The following CATSPERD variants were observed in gnomAD, a reference collection of about 807,000 sequenced individuals.
The protein encoded by CATSPERD is catsper channel auxiliary subunit delta, also known as cation channel sperm-associated auxiliary subunit delta.
A neutral mutation model predicts 98.1 loss-of-function variants in CATSPERD; 86 were observed. That is an observed-to-expected ratio of 0.88 (90% CI 0.74 to 1.05). The LOEUF (loss-of-function observed/expected upper bound fraction) is 1.05. Among genes scored for constraint, CATSPERD ranks in the 50% least tolerant of loss-of-function variants. CATSPERD has a pLI of 0.00. For missense variants in CATSPERD, 995 were observed against 1,005.7 expected (o/e 0.99, Z 0.14); for synonymous variants, 394 against 390.2 (o/e 1.01, Z -0.12).
At chr19:5,722,008 G>C (rs2055494369) in intron 1 of CATSPERD, among the ~76,000 whole-genome samples, 1 of 151,806 alleles carries the variant, frequency 6.6e-6, no homozygotes, top group Non-Finnish European at 1.5e-5. Context: ...AAAGAGATGG[G>C]GTCTCACTGT....
At chr19:5,772,139 C>T (rs1443623284) in intron 19 of CATSPERD, 1 of 410,690 alleles carries the variant, frequency 2.4e-6, no homozygotes, top group Admixed American at 2.9e-5. Flanking sequence ...CCTTAACCTC[C>T]CAGGCTCAAG....
At chr19:5,735,658 A>G (rs553674627) in intron 5 of CATSPERD, among the ~76,000 whole-genome samples, 3 of 151,496 alleles carry the variant, frequency 2.0e-5, no homozygotes, top group Non-Finnish European at 4.4e-5. Context: ...TGTTTTTAGT[A>G]TAGATGGGGT....
At chr19:5,770,430 C>CAAAA (rs539340482) in intron 18 of CATSPERD, among the ~76,000 whole-genome samples, 1 of 81,990 alleles carries the variant, frequency 1.2e-5, no homozygotes, top group African/African-American at 4.5e-5. Context: ...AACTCCGTCT[C>CAAAA]AAAAAAAAAA....
In CATSPERD at chr19:5,759,154, C is replaced by T; in HGVS notation, c.1427+10C>T. 6.2e-7 allele frequency: 1 copy of T among 1,613,338 alleles called. No individual in the cohort carries two copies. Among genetic ancestry groups the T allele is most frequent in the Non-Finnish European group, 8.5e-7 (1 of 1,179,408 alleles). On this transcript the variant is annotated intron_variant, in intron 15 of 21. Transcript: ENST00000381624. ...CCAACTTCACTTCCAGGTATGTTGT[C>T]TCCTGGGAGAGGCGGGGACTGGGCT...
At chr19:5,745,431 C>G (rs2056075376) in intron 8 of CATSPERD, among the ~76,000 whole-genome samples, 1 of 151,242 alleles carries the variant, frequency 6.6e-6, no homozygotes, top group African/African-American at 2.4e-5. Flanking sequence ...CCAGCCTGGC[C>G]AAGATGGTGA....
chr19:5,769,066 G>A (rs2056597837), intron 18 of CATSPERD, among the ~76,000 whole-genome samples: 2 of 151,742 alleles, frequency 1.3e-5, no homozygotes, highest in South Asian at 2.1e-4. Flanking sequence ...AGGCAGGAGA[G>A]TTGCTTGAAA....
chr19:5,724,208 G>A (rs1404300979), intron 1 of CATSPERD, among the ~76,000 whole-genome samples: 6 of 151,864 alleles, frequency 4.0e-5, no homozygotes, highest in African/African-American at 1.5e-4. Context: ...TTACAGGTGT[G>A]AGCCACCGCA....
At chr19:5,757,699 C>T (rs2056351842) in intron 13 of CATSPERD, 144 bp from the exon 14 acceptor site, 3 of 543,434 alleles carry the variant, frequency 5.5e-6, no homozygotes, top group African/African-American at 4.0e-5. Flanking sequence ...CCTTGGTCTC[C>T]CAAAGTGCTG....
intron 7 of CATSPERD, among the ~76,000 whole-genome samples, chr19:5,742,238 A>G (rs1297140340): frequency 3.5e-5 from 5 of 143,536 alleles, no homozygotes; most frequent in African/African-American, 5.2e-5. Context: ...GCGTGTGTGT[A>G]CGTATGTGAA....
intron 19 of CATSPERD, among the ~76,000 whole-genome samples, 172 bp from the exon 20 acceptor site, chr19:5,772,616 C>T (rs1445750675): frequency 1.3e-5 from 2 of 152,086 alleles, no homozygotes; most frequent in Non-Finnish European, 2.9e-5. Context: ...CTCCTGGCCT[C>T]CCCGCAGCCC....
chr19:5,734,225 G>A (rs1025813471), intron 5 of CATSPERD, among the ~76,000 whole-genome samples: 4 of 152,190 alleles, frequency 2.6e-5, no homozygotes, highest in Admixed American at 6.6e-5. Context: ...GGCATTGGCC[G>A]GGTGCGCTGG....
At chr19:5,758,390 T>C (rs1033262177) in intron 14 of CATSPERD, among the ~76,000 whole-genome samples, 3 of 151,984 alleles carry the variant, frequency 2.0e-5, no homozygotes, top group African/African-American at 4.8e-5. Flanking sequence ...GGCCGTTGTT[T>C]CTGTGAGCTT....
chr19:5,724,482 G>A (rs912244239), intron 1 of CATSPERD, among the ~76,000 whole-genome samples: 3 of 152,054 alleles, frequency 2.0e-5, no homozygotes, highest in African/African-American at 7.2e-5. Flanking sequence ...GGCAGATCAC[G>A]AGGTCAGGAG....
intron 17 of CATSPERD, among the ~76,000 whole-genome samples, chr19:5,767,426 T>C (rs920106214): frequency 3.3e-5 from 5 of 150,764 alleles, no homozygotes; most frequent in African/African-American, 7.4e-5. Context: ...TTTTTTTTTT[T>C]CCATATCTGC....
intron 13 of CATSPERD, among the ~76,000 whole-genome samples, chr19:5,756,657 T>C (rs979515856): frequency 2.6e-5 from 4 of 151,702 alleles, no homozygotes; most frequent in African/African-American, 2.4e-5. Flanking sequence ...ATTAAATGCA[T>C]TTTCAGGCCA....
At chr19:5,770,896 G>A (rs1196775801) in intron 18 of CATSPERD, 48 bp from the exon 19 acceptor site, 1 of 1,560,142 alleles carries the variant, frequency 6.4e-7, no homozygotes, top group Non-Finnish European at 8.7e-7. Flanking sequence ...TTGGCAGACT[G>A]GGCAGGAACT....
At chr19:5,757,201 G>A (rs1483541048) in intron 13 of CATSPERD, among the ~76,000 whole-genome samples, 14 of 151,970 alleles carry the variant, frequency 9.2e-5, no homozygotes, top group Admixed American at 9.2e-4. Flanking sequence ...AGTGAGCTGA[G>A]TTTGCAGGAC....
In CATSPERD at chr19:5,751,140, G is replaced by A. The variant is rs570346050; in HGVS notation, c.988-507G>A. On this transcript the variant is annotated intron_variant, in intron 11 of 21. Transcript: ENST00000381624. ...TTGAACCCGGGAGGCGGAGGTTGCC[G>A]TGGGCTGAGATTGCGCCACTGCACT... 7.5e-4 allele frequency among the ~76,000 whole-genome samples: 102 copies of A among 135,482 alleles called. 1 individual carries two copies. The highest frequency in any genetic ancestry group is 1.2e-3 in the Non-Finnish European group (81 of 64,982). 88.9% of individuals were successfully genotyped at this position (135,482 alleles called of 152,430 possible).
intron 20 of CATSPERD, among the ~76,000 whole-genome samples, chr19:5,774,977 A>T (rs1395182922): frequency 6.6e-6 from 1 of 152,162 alleles, no homozygotes; most frequent in African/African-American, 2.4e-5. Flanking sequence ...AGATGACACC[A>T]CTGCACTCCA....
Sources: allele counts gnomAD v4.1 joint callset (sites outside exome capture counted in the v4.1 genomes callset), GRCh38; gene constraint gnomAD v4.1.1; transcripts MANE v1.5; gene names NCBI Gene and HGNC (gene_info 2026-07-23, HGNC 2026-07-21).